The following GMDS variants were observed in gnomAD, a reference collection of about 807,000 sequenced individuals.
The protein encoded by GMDS is GDP-mannose 4,6 dehydratase.
A neutral mutation model predicts 49.9 loss-of-function variants in GMDS; 20 were observed. The observed-to-expected ratio is 0.40, with a 90% CI of 0.28 to 0.58. The LOEUF (loss-of-function observed/expected upper bound fraction) is 0.58, where lower values mean the gene tolerates loss of function less well. Among genes scored for constraint, GMDS ranks in the 20% least tolerant of loss-of-function variants. The pLI, the probability that GMDS is intolerant of heterozygous loss-of-function variation, is 0.42. For missense variants in GMDS, 362 were observed against 481.4 expected (o/e 0.75, Z 2.32); for synonymous variants, 177 against 178.6 (o/e 0.99, Z 0.07).
At chr6:2,099,768 T>C (rs1562053466) in intron 4 of GMDS, among the ~76,000 whole-genome samples, 1 of 152,116 alleles carries the variant, frequency 6.6e-6, no homozygotes, top group Non-Finnish European at 1.5e-5. Flanking sequence ...AAGATAACTT[T>C]ATATAAAGTT....
intron 4 of GMDS, among the ~76,000 whole-genome samples, chr6:2,034,085 T>C (rs1413669856): frequency 6.6e-6 from 1 of 152,190 alleles, no homozygotes; most frequent in African/African-American, 2.4e-5. Context: ...TAAATAGATA[T>C]ATGTATATGC....
chr6:2,180,642 T>TATAA (rs888915834), intron 1 of GMDS, among the ~76,000 whole-genome samples: 3 of 152,042 alleles, frequency 2.0e-5, no homozygotes, highest in African/African-American at 4.8e-5. Flanking sequence ...ATAAATTATA[T>TATAA]ATAAATAAAT....
At chr6:2,016,683 A>G (rs1307084915) in intron 4 of GMDS, among the ~76,000 whole-genome samples, 1 of 152,176 alleles carries the variant, frequency 6.6e-6, no homozygotes, top group Non-Finnish European at 1.5e-5. Context: ...GACCAAAACC[A>G]TGTTTCCACA....
At position 1,827,076 on chromosome 6, in the gene GMDS, ATATGTGTGTGTGTGTGTG is replaced by A. The variant is rs1274300507; in HGVS notation, c.772-84508_772-84491del. Reference sequence around the variant, plus strand: ...GCTACGCTGTCTCTTAAAAAAATATATATGTGTGTGTGTGTGTGTGTGTGTGTGTGTGTGTGTGTGTGT... The same window carrying A: ...GCTACGCTGTCTCTTAAAAAAATATATGTGTGTGTGTGTGTGTGTGTGTGT... On this transcript the variant is annotated intron_variant, in intron 7 of 10. Coordinates refer to ENST00000380815, the MANE Select transcript of GMDS (RefSeq NM_001500.4). 7.2e-5 allele frequency among the ~76,000 whole-genome samples: 8 copies of A among 111,212 alleles called. 1 individual carries two copies. Among genetic ancestry groups the A allele is most frequent in the Middle Eastern group, 8.8e-3 (2 of 228 alleles). The allele number at this position is 111,212 out of a possible 152,430, so 73.0% of individuals were successfully genotyped here.
chr6:1,716,841 T>A (rs567184749), intron 9 of GMDS, among the ~76,000 whole-genome samples: 11 of 152,268 alleles, frequency 7.2e-5, no homozygotes, highest in Non-Finnish European at 1.5e-4. Context: ...GCTCTAAAAC[T>A]CCCCTTTATT....
intron 1 of GMDS, among the ~76,000 whole-genome samples, chr6:2,138,673 T>G (rs1776130557): frequency 6.6e-6 from 1 of 152,208 alleles, no homozygotes; most frequent in Non-Finnish European, 1.5e-5. Context: ...GCCTCTTTTC[T>G]TTATAAGTTA....
intron 1 of GMDS, among the ~76,000 whole-genome samples, chr6:2,161,750 C>G (rs1260803320): frequency 6.6e-6 from 1 of 152,078 alleles, no homozygotes; most frequent in Non-Finnish European, 1.5e-5. Flanking sequence ...ACCAAAGGAC[C>G]CCTTTAAGGG....
At chr6:1,806,986 TCTC>T (rs1438037841) in intron 7 of GMDS, among the ~76,000 whole-genome samples, 2 of 152,116 alleles carry the variant, frequency 1.3e-5, no homozygotes, top group African/African-American at 4.8e-5. Flanking sequence ...ACCAGAAAAA[TCTC>T]AATACGGGGA....
At chr6:1,688,307 C>G (rs758534187) in intron 9 of GMDS, among the ~76,000 whole-genome samples, 1 of 152,256 alleles carries the variant, frequency 6.6e-6, no homozygotes, top group Non-Finnish European at 1.5e-5. Flanking sequence ...CAGAAACTCT[C>G]AAGTGTGGGC....
intron 4 of GMDS, among the ~76,000 whole-genome samples, chr6:2,053,421 A>T (rs946853983): frequency 2.0e-5 from 3 of 152,120 alleles, no homozygotes; most frequent in Admixed American, 1.3e-4. Context: ...AACCACACAA[A>T]TGGCATATAC....
chr6:1,992,077 G>A (rs1260123436), intron 4 of GMDS, among the ~76,000 whole-genome samples: 1 of 152,246 alleles, frequency 6.6e-6, no homozygotes, highest in Admixed American at 6.5e-5. Context: ...CTCCAGAATG[G>A]TGAGACAATA....
chr6:2,153,099 T>A (rs1776919188), intron 1 of GMDS, among the ~76,000 whole-genome samples: 2 of 152,124 alleles, frequency 1.3e-5, no homozygotes, highest in Non-Finnish European at 2.9e-5. Flanking sequence ...GTAGCATCTT[T>A]TAATCAATGG....
chr6:1,749,789 C>T lies in GMDS; in HGVS notation c.772-7203G>A, dbSNP rs142433287. On this transcript the variant is annotated intron_variant, in intron 7 of 10. Transcript: ENST00000380815. ...AGCCTGTGTGTATAGTTCCTAACATCTGCTCTAAATTTTCTTCAAATGTCA... is the reference window on the plus strand; with the variant it reads ...AGCCTGTGTGTATAGTTCCTAACATTTGCTCTAAATTTTCTTCAAATGTCA... 4.9e-3 allele frequency among the ~76,000 whole-genome samples: 742 copies of T among 152,120 alleles called. 3 individuals are homozygous for T. The highest frequency in any genetic ancestry group is 0.031 in the Middle Eastern group (9 of 294).
At chr6:1,819,228 C>T (rs924686282) in intron 7 of GMDS, among the ~76,000 whole-genome samples, 3 of 152,010 alleles carry the variant, frequency 2.0e-5, no homozygotes, top group Non-Finnish European at 4.4e-5. Context: ...CATGACTACA[C>T]AGAAGCTGGT....
chr6:1,733,721 G>A (rs573142970), intron 8 of GMDS, among the ~76,000 whole-genome samples: 2 of 152,276 alleles, frequency 1.3e-5, no homozygotes, highest in South Asian at 2.1e-4. Context: ...TGGTGGTGGT[G>A]TGCACCCATT....
At chr6:1,986,408 C>G (rs1197490380) in intron 4 of GMDS, among the ~76,000 whole-genome samples, 1 of 152,142 alleles carries the variant, frequency 6.6e-6, no homozygotes, top group Admixed American at 6.5e-5. Flanking sequence ...TCTAAACTTA[C>G]CATCAACAAA....
chr6:1,742,394 G>C, intron 8 of GMDS, 74 bp downstream of exon 8: 1 of 804,562 alleles, frequency 1.2e-6, no homozygotes, highest in East Asian at 2.5e-5. Context: ...ATGACAGCCA[G>C]AACCGAGGCT....
At chr6:1,763,041 G>A (rs1768219496) in intron 7 of GMDS, among the ~76,000 whole-genome samples, 1 of 152,216 alleles carries the variant, frequency 6.6e-6, no homozygotes, top group African/African-American at 2.4e-5. Context: ...AAATGAGCTG[G>A]TAAATACATG....
Position 1,982,659 on chromosome 6 carries a change from CA to C in GMDS, c.346-21694del, listed in dbSNP as rs1381172055. Among the ~76,000 whole-genome samples, 12 of 152,244 alleles carry C rather than the reference CA, an allele frequency of 7.9e-5. No individual in the cohort carries two copies. The East Asian group carries it at 2.1e-3, about 27-fold the overall frequency. On this transcript the variant is annotated intron_variant, in intron 4 of 10. Coordinates refer to ENST00000380815, the MANE Select transcript of GMDS (RefSeq NM_001500.4). ...AAAAAAAATAAAATACCCAGGAATA[CA>C]GCTAACAAGGGAAGTAAAGGACCCC...
Sources: gnomAD v4.1 joint callset for allele counts (sites outside exome capture counted in the v4.1 genomes callset) on GRCh38, gnomAD v4.1.1 for gene constraint, MANE v1.5 for transcripts, NCBI Gene and HGNC (gene_info 2026-07-23, HGNC 2026-07-21) for gene names.